LARGE1: variants seen among roughly 807,000 people sequenced by gnomAD.
LARGE1 encodes the protein LARGE xylosyl- and glucuronyltransferase 1.
A neutral mutation model predicts 87.6 loss-of-function variants in LARGE1; 43 were observed. The observed-to-expected ratio is 0.49, with a 90% CI of 0.38 to 0.63. LARGE1 has a LOEUF of 0.63. LARGE1 is among the 30% of genes least tolerant of loss of function. The pLI is 0.00. For missense variants in LARGE1, 802 were observed against 1,000.2 expected (o/e 0.80, Z 2.67); for synonymous variants, 434 against 394.6 (o/e 1.10, Z -1.18).
At chr22:33,242,724 C>T (rs1926579650) in intron 11 of LARGE1, among the ~76,000 whole-genome samples, 1 of 152,168 alleles carries the variant, frequency 6.6e-6, no homozygotes, top group Admixed American at 6.5e-5. Flanking sequence ...GCTAGGGCTG[C>T]TGTAACAAAG....
intron 1 of LARGE1, among the ~76,000 whole-genome samples, chr22:33,762,213 C>CAAAAAAAAAAAAAAAAAAAAAAAAA (rs56832457): frequency 2.4e-5 from 2 of 84,460 alleles, no homozygotes; most frequent in Admixed American, 1.2e-4. Context: ...GATTCTATCT[C>CAAAAAAAAAAAAAAAAAAAAAAAAA]AAAAAAAAAA....
chr22:33,557,866 C>A (rs537472686), intron 6 of LARGE1, among the ~76,000 whole-genome samples: 1 of 152,064 alleles, frequency 6.6e-6, no homozygotes, highest in Non-Finnish European at 1.5e-5. Flanking sequence ...TAAGCCCGGC[C>A]CAGGAGAACT....
At chr22:33,407,025 T>G (rs2066126988) in intron 7 of LARGE1, among the ~76,000 whole-genome samples, 1 of 152,178 alleles carries the variant, frequency 6.6e-6, no homozygotes, top group African/African-American at 2.4e-5. Flanking sequence ...ACTCTTGACC[T>G]CAGGTGATCC....
chr22:33,222,682 C>T (rs1159779428), intron 11 of LARGE1, among the ~76,000 whole-genome samples: 2 of 152,144 alleles, frequency 1.3e-5, no homozygotes, highest in Admixed American at 6.5e-5. Flanking sequence ...CCTAGAGCCA[C>T]CAGAAACTGG....
intron 5 of LARGE1, among the ~76,000 whole-genome samples, chr22:33,573,210 G>A (rs367680972): frequency 6.6e-6 from 1 of 152,112 alleles, no homozygotes; most frequent in African/African-American, 2.4e-5. Context: ...AGGCCGAGGC[G>A]GATGGACCAC....
intron 11 of LARGE1, among the ~76,000 whole-genome samples, chr22:33,216,732 CT>C (rs137456): frequency 0.07 from 10,614 of 152,210 alleles, 453 homozygotes; most frequent in African/African-American, 0.11. Context: ...GTGATACTCT[CT>C]TGAGATACCA....
chr22:33,867,065 A>AATGG (rs1197309027), intron 1 of LARGE1, among the ~76,000 whole-genome samples: 1 of 152,178 alleles, frequency 6.6e-6, no homozygotes, highest in African/African-American at 2.4e-5. Flanking sequence ...CTAATGAATG[A>AATGG]ATGGATGGAT....
At chr22:33,621,288 C>T (rs575237032) in intron 4 of LARGE1, among the ~76,000 whole-genome samples, 2 of 152,286 alleles carry the variant, frequency 1.3e-5, no homozygotes, top group East Asian at 1.9e-4. Context: ...GGGAGAGTCC[C>T]TACGGTGGTC....
chr22:33,453,143 G>A (rs908304529), intron 6 of LARGE1, among the ~76,000 whole-genome samples: 6 of 152,208 alleles, frequency 3.9e-5, no homozygotes, highest in African/African-American at 7.2e-5. Flanking sequence ...CAGGCCGGGC[G>A]TGGTGGCTCA....
intron 1 of LARGE1, among the ~76,000 whole-genome samples, chr22:33,902,974 A>C (rs1287335899): frequency 6.6e-6 from 1 of 152,156 alleles, no homozygotes; most frequent in Non-Finnish European, 1.5e-5. Context: ...TCTACTAAAA[A>C]TACAAAAATT....
chr22:33,497,669 T>C (rs1053672001), intron 6 of LARGE1, among the ~76,000 whole-genome samples: 1 of 152,210 alleles, frequency 6.6e-6, no homozygotes, highest in East Asian at 1.9e-4. Context: ...GTAACTCTTC[T>C]TCTAGAAGAA....
chr22:33,456,129 G>C (rs2068121127), intron 6 of LARGE1, among the ~76,000 whole-genome samples: 1 of 152,178 alleles, frequency 6.6e-6, no homozygotes, highest in Admixed American at 6.5e-5. Flanking sequence ...CTGAGTTCCA[G>C]GCTAGGCCCA....
chr22:33,118,503 A>G, the LARGE1 span, among the ~76,000 whole-genome samples: 2 of 142,550 alleles, frequency 1.4e-5, no homozygotes, highest in African/African-American at 2.7e-5. Flanking sequence ...GAAAGAAAAA[A>G]GAAAAAAAAA....
intron 6 of LARGE1, among the ~76,000 whole-genome samples, chr22:33,512,253 T>C (rs988438680): frequency 2.6e-5 from 4 of 152,176 alleles, no homozygotes; most frequent in African/African-American, 9.7e-5. Flanking sequence ...TAGGGAATGT[T>C]GTATGCCAAA....
intron 6 of LARGE1, among the ~76,000 whole-genome samples, chr22:33,489,594 A>G (rs57779654): frequency 0.021 from 3,270 of 152,186 alleles, 86 homozygotes; most frequent in African/African-American, 0.065. Context: ...TTCCCCTTTC[A>G]CTTGGCTCTC....
the LARGE1 span, among the ~76,000 whole-genome samples, chr22:33,131,328 T>G: frequency 2.6e-5 from 4 of 152,156 alleles, no homozygotes; most frequent in Non-Finnish European, 5.9e-5. Flanking sequence ...GCCACTGTGA[T>G]TCTGTGTTTG....
intron 1 of LARGE1, among the ~76,000 whole-genome samples, chr22:33,777,778 C>T (rs1039020934): frequency 6.6e-6 from 1 of 152,110 alleles, no homozygotes; most frequent in Non-Finnish European, 1.5e-5. Context: ...AGGCCGAGCA[C>T]AAGAACGGCT....
intron 6 of LARGE1, among the ~76,000 whole-genome samples, chr22:33,524,265 TGG>T (rs1482265367): frequency 5.6e-5 from 8 of 143,838 alleles, no homozygotes; most frequent in Admixed American, 1.5e-4. Context: ...CACTCCAGCC[TGG>T]GCAACAGAGT....
intron 11 of LARGE1, among the ~76,000 whole-genome samples, chr22:33,226,302 G>A (rs1925729039): frequency 6.6e-6 from 1 of 152,172 alleles, no homozygotes; most frequent in Admixed American, 6.5e-5. Context: ...TTTGCACATT[G>A]CTATATCTAT....
Sources: allele counts gnomAD v4.1 joint callset (sites outside exome capture counted in the v4.1 genomes callset), GRCh38; gene constraint gnomAD v4.1.1; transcripts MANE v1.5; gene names NCBI Gene and HGNC (gene_info 2026-07-23, HGNC 2026-07-21).